Variants in FAM120B observed in about 807,000 individuals in gnomAD.
The protein encoded by FAM120B is family with sequence similarity 120 member B.
Under a neutral mutation model 96.3 loss-of-function variants are expected in FAM120B, and 83 were observed. The ratio of observed to expected loss-of-function variants is 0.86; its 90% confidence interval spans 0.72 to 1.03. FAM120B has a LOEUF of 1.03. FAM120B is among the 50% of genes least tolerant of loss of function. The pLI, the probability that FAM120B is intolerant of heterozygous loss-of-function variation, is 0.00. For missense variants in FAM120B, 1,027 were observed against 1,121.2 expected, an observed-to-expected ratio of 0.92 and a Z score of 1.20; for synonymous variants, 407 against 402.7, an observed-to-expected ratio of 1.01 and a Z score of -0.13.
intron 1 of FAM120B, among the ~76,000 whole-genome samples, chr6:170,307,886 C>T (rs1305713342): frequency 6.6e-6 from 1 of 152,086 alleles, no homozygotes; most frequent in African/African-American, 2.4e-5. Flanking sequence ...TGGCTTGAGC[C>T]CTTGAATAGA....
Position 170,390,996 on chromosome 6 carries a change from A to C in FAM120B, c.2491-17A>C, listed in dbSNP as rs1279459961. On this transcript the variant is annotated splice_polypyrimidine_tract_variant and intron_variant, in intron 7 of 10. Coordinates refer to ENST00000476287, the MANE Select transcript of FAM120B (RefSeq NM_032448.3). ...ATCTGGCCCCTCACATCTCATTTGC[A>C]TCTGGTCTGTTTGCAGAGATCTCGG... is the stretch of plus-strand genomic sequence containing the variant. 1.9e-6 allele frequency: 3 copies of C among 1,609,828 alleles called. No individual in the cohort carries two copies. The highest frequency in any genetic ancestry group is 1.7e-6 in the Non-Finnish European group (2 of 1,176,502).
chr6:170,357,068 G>T (rs761029434), intron 5 of FAM120B, among the ~76,000 whole-genome samples: 24 of 152,078 alleles, frequency 1.6e-4, no homozygotes, highest in Non-Finnish European at 2.6e-4. Flanking sequence ...TGTTTTTATT[G>T]CAAATAGGCA....
Position 170,402,204 on chromosome 6 carries a change from A to G in FAM120B, c.2693-2346A>G, listed in dbSNP as rs551708116. 2.6e-5 allele frequency among the ~76,000 whole-genome samples: 4 copies of G among 152,338 alleles called. No homozygotes were observed. The South Asian group carries it at 6.2e-4, about 24-fold the overall frequency. On this transcript the variant is annotated intron_variant, in intron 9 of 10. Transcript: ENST00000476287. ...AAATATTAAATCTAGTCTTGCTTTA[A>G]TATTTGCTTCCTGTAGATTCCCGAA... is the stretch of plus-strand genomic sequence containing the variant.
intron 6 of FAM120B, 113 bp from the exon 7 acceptor site, chr6:170,388,174 C>T: frequency 1.2e-6 from 1 of 835,982 alleles, no homozygotes; most frequent in Non-Finnish European, 2.0e-6. Flanking sequence ...TGATGCTGTC[C>T]AGTTACTGAG....
chr6:170,361,235 T>TATACAC (rs1218513547), intron 6 of FAM120B, among the ~76,000 whole-genome samples: 4 of 90,050 alleles, frequency 4.4e-5, no homozygotes, highest in Non-Finnish European at 7.0e-5. Flanking sequence ...TATATATATA[T>TATACAC]ACACGTATAT....
At position 170,299,453 on chromosome 6, in the gene FAM120B, G is replaced by C. The variant is rs537744607; in HGVS notation, c.48+4000G>C. On this transcript the variant is annotated intron_variant, in intron 1 of 10. Transcript: ENST00000537664. ...TCAGAGTATTATAGGCTTATCAGTT[G>C]TATCAGTCTTATCAAAGAACCAGTC... Among the ~76,000 whole-genome samples, 4 of 152,272 alleles carry C rather than the reference G, an allele frequency of 2.6e-5. No homozygotes were observed. In the East Asian group the frequency reaches 5.8e-4, roughly 22 times the overall value.
chr6:170,352,219 T>C lies in FAM120B; in HGVS notation c.2190+3896T>C, dbSNP rs1787626352. Among the ~76,000 whole-genome samples, 3 of 152,226 alleles carry C rather than the reference T, an allele frequency of 2.0e-5. No homozygotes were observed. In the South Asian group the frequency reaches 6.2e-4, roughly 31 times the overall value. On this transcript the variant is annotated intron_variant, in intron 5 of 10. Coordinates refer to ENST00000476287, the MANE Select transcript of FAM120B (RefSeq NM_032448.3). ...TATTACATAATGGTAGAGGATTCAATTTAACAAGAAGAGCTAACTATCCTA... is the reference window on the plus strand; with the variant it reads ...TATTACATAATGGTAGAGGATTCAACTTAACAAGAAGAGCTAACTATCCTA...
chr6:170,319,429 G>A (rs1245232057), intron 2 of FAM120B, among the ~76,000 whole-genome samples: 2 of 152,202 alleles, frequency 1.3e-5, no homozygotes, highest in Admixed American at 1.3e-4. Context: ...CACTTTGGGA[G>A]GCCCAAAGCA....
At chr6:170,350,758 C>T (rs1387406121) in intron 5 of FAM120B, among the ~76,000 whole-genome samples, 1 of 152,158 alleles carries the variant, frequency 6.6e-6, no homozygotes, top group East Asian at 1.9e-4. Flanking sequence ...AAAGACCCCA[C>T]CAAAACCTCA....
chr6:170,326,502 A>G (rs1179249565), intron 3 of FAM120B, among the ~76,000 whole-genome samples: 2 of 152,198 alleles, frequency 1.3e-5, no homozygotes, highest in South Asian at 2.1e-4. Flanking sequence ...GAGATTATGC[A>G]TATGTTGTAA....
chr6:170,361,241 T>TAC (rs1788427645), intron 6 of FAM120B, among the ~76,000 whole-genome samples: 2 of 103,572 alleles, frequency 1.9e-5, no homozygotes, highest in Non-Finnish European at 3.9e-5. Context: ...TATATACACG[T>TAC]ATATATATAT....
intron 5 of FAM120B, among the ~76,000 whole-genome samples, chr6:170,353,970 C>G (rs576018474): frequency 1.3e-5 from 2 of 152,302 alleles, no homozygotes; most frequent in East Asian, 3.9e-4. Context: ...CCAAGACAAT[C>G]CTAAGCAAAA....
In FAM120B at chr6:170,388,340, C is replaced by A; in HGVS notation, c.2337C>A (p.Gly779=). The change falls in exon 7 of 11, where the codon GGC becomes GGA. Residue 779 remains glycine, a synonymous_variant. Transcript: ENST00000476287. ...AVQLGSLLVR[G]LTTLVLVNSA... ...AGCTGGGCTCCCTTCTCGTCCGCGG[C>A]CTCACCACTCTGGTTTTAGTCAACA... 1 of 1,614,154 alleles carries A rather than the reference C, an allele frequency of 6.2e-7. No individual in the cohort carries two copies. The highest frequency in any genetic ancestry group is 1.3e-5 in the African/African-American group (1 of 75,036).
At chr6:170,339,390 C>A (rs762235001) in intron 4 of FAM120B, among the ~76,000 whole-genome samples, 29 of 151,800 alleles carry the variant, frequency 1.9e-4, no homozygotes, top group Non-Finnish European at 2.4e-4. Flanking sequence ...TGATTCCATT[C>A]CATTCTAGAA....
chr6:170,392,419 G>A (rs1009208976), intron 8 of FAM120B, among the ~76,000 whole-genome samples: 1 of 152,168 alleles, frequency 6.6e-6, no homozygotes, highest in African/African-American at 2.4e-5. Flanking sequence ...TGTTGGCCAG[G>A]ATTGTCTCAA....
upstream of FAM120B, among the ~76,000 whole-genome samples, chr6:170,304,538 T>G (rs1308059309): frequency 6.6e-6 from 1 of 152,158 alleles, no homozygotes; most frequent in African/African-American, 2.4e-5. Context: ...CATGTCACAT[T>G]TGTGTTTTCT....
chr6:170,380,273 G>A (rs550305290), intron 6 of FAM120B, among the ~76,000 whole-genome samples: 2 of 152,098 alleles, frequency 1.3e-5, no homozygotes, highest in South Asian at 4.2e-4. Context: ...GCTTAGGTTG[G>A]TTCTGTGCTT....
At chr6:170,301,624 G>T (rs1784143965) in intron 1 of FAM120B, among the ~76,000 whole-genome samples, 1 of 152,152 alleles carries the variant, frequency 6.6e-6, no homozygotes, top group African/African-American at 2.4e-5. Context: ...CCTCTTGAAT[G>T]CTTTGCTGTC....
At chr6:170,325,944 A>C (rs1785565155) in intron 3 of FAM120B, among the ~76,000 whole-genome samples, 1 of 152,146 alleles carries the variant, frequency 6.6e-6, no homozygotes, top group Non-Finnish European at 1.5e-5. Context: ...TATCTTTAAC[A>C]TCACCATTTA....
Sources: allele counts gnomAD v4.1 joint callset (sites outside exome capture counted in the v4.1 genomes callset), GRCh38; gene constraint gnomAD v4.1.1; transcripts MANE v1.5; gene names NCBI Gene and HGNC (gene_info 2026-07-23, HGNC 2026-07-21).